CELF5: variants seen among roughly 807,000 people sequenced by gnomAD.
CELF5 encodes the protein CUGBP Elav-like family member 5, also known as CUG-BP and ETR-3 like factor 5.
CELF5 carries 6 observed loss-of-function variants against 54.9 expected under a neutral mutation model. The observed-to-expected ratio is 0.11, with a 90% CI of 0.06 to 0.22. The LOEUF is 0.22. CELF5 is among the 10% of genes least tolerant of loss of function. The pLI, the probability that CELF5 is intolerant of heterozygous loss-of-function variation, is 1.00. For missense variants in CELF5, 401 were observed against 678.6 expected (o/e 0.59, Z 4.54); for synonymous variants, 271 against 290.9 (o/e 0.93, Z 0.70).
In CELF5 at chr19:3,224,668, G is replaced by A; in HGVS notation, c.-72G>A. On this transcript the variant is annotated 5_prime_UTR_variant, in exon 1 of 13. Transcript: ENST00000292672. ...GGGGCCCGGGAGGGAGGCGGGAGGC[G>A]CGGCCGCCGCTCCAGCTGCGAGTCC... The A allele has an allele frequency of 1.0e-6, 1 of 983,040 alleles. No individual in the cohort carries two copies. Among genetic ancestry groups the A allele is most frequent in the African/African-American group, 1.8e-5 (1 of 56,748 alleles). 60.9% of individuals were successfully genotyped at this position (983,040 alleles called of 1,614,324 possible). A position where few individuals can be genotyped will look rare whatever the true frequency, so the allele number is the denominator to read the frequency against.
At position 3,276,003 on chromosome 19, in the gene CELF5, G is replaced by T; in HGVS notation, c.523+19G>T. 2 of 1,594,856 alleles carry T rather than the reference G, an allele frequency of 1.3e-6. No individual in the cohort carries two copies. Among genetic ancestry groups the T allele is most frequent in the Non-Finnish European group, 8.5e-7 (1 of 1,171,956 alleles). On this transcript the variant is annotated intron_variant, in intron 4 of 12. Transcript: ENST00000292672. ...AGCAAAGGTGACTGGCGGGGGCCGG[G>T]GCGGGACTGCGAGAGGGGCCGGGCT...
intron 1 of CELF5, among the ~76,000 whole-genome samples, chr19:3,235,723 TGG>T (rs1211458142): frequency 2.9e-5 from 4 of 139,202 alleles, no homozygotes; most frequent in African/African-American, 1.1e-4. Flanking sequence ...GATGTGTGGA[TGG>T]GTGGATGGAT....
At chr19:3,237,140 A>G (rs8104089) in intron 1 of CELF5, among the ~76,000 whole-genome samples, 23,256 of 150,752 alleles carry the variant, frequency 0.15, 2,054 homozygotes, top group East Asian at 0.24. Flanking sequence ...GTGAAACCCC[A>G]TCTCTACTAA....
Position 3,285,014 on chromosome 19 carries a change from T to TAGGGCCCCGCCCCCGCCC in CELF5, c.1102+64_1102+65insGCCCAGGGCCCCGCCCCC, listed in dbSNP as rs776188810. The TAGGGCCCCGCCCCCGCCC allele has an allele frequency of 1.1e-4, 161 of 1,438,254 alleles. No homozygotes were observed. The African/African-American group carries it at 2.1e-3, about 19-fold the overall frequency. 89.1% of individuals were successfully genotyped at this position (1,438,254 alleles called of 1,614,324 possible). ...GCTGGGCCCTGGCCCCGCCCCCGCC[T>TAGGGCCCCGCCCCCGCCC]AGGGCCCCGCCCCCAGGGCCCGCCC... On this transcript the variant is annotated intron_variant, in intron 9 of 12. Coordinates refer to ENST00000292672, the MANE Select transcript of CELF5 (RefSeq NM_021938.4).
chr19:3,270,215 G>C (rs1251043707), intron 2 of CELF5, among the ~76,000 whole-genome samples: 1 of 152,154 alleles, frequency 6.6e-6, no homozygotes, highest in Non-Finnish European at 1.5e-5. Flanking sequence ...CCTTCCTGGA[G>C]TTCCAAAATT....
intron 2 of CELF5, among the ~76,000 whole-genome samples, chr19:3,267,106 T>G (rs531946726): frequency 6.6e-6 from 1 of 151,318 alleles, no homozygotes; most frequent in African/African-American, 2.5e-5. Flanking sequence ...TGTGTGTGTG[T>G]GCGTGTGCGT....
At chr19:3,261,418 A>AG (rs1321854002) in intron 2 of CELF5, among the ~76,000 whole-genome samples, 2 of 151,406 alleles carry the variant, frequency 1.3e-5, no homozygotes, top group African/African-American at 4.9e-5. Context: ...ACTCCATCTC[A>AG]GAAAAAAAAA....
intron 1 of CELF5, among the ~76,000 whole-genome samples, chr19:3,245,914 T>C (rs577920666): frequency 1.3e-5 from 2 of 152,258 alleles, no homozygotes; most frequent in South Asian, 2.1e-4. Flanking sequence ...ATTTAAAAGG[T>C]TGGCAAAAAC....
chr19:3,276,357 A>T (rs1599461356), intron 4 of CELF5, among the ~76,000 whole-genome samples: 1 of 133,830 alleles, frequency 7.5e-6, no homozygotes, highest in African/African-American at 2.9e-5. Flanking sequence ...GTAGCCCTGG[A>T]GAGGCCCGAG....
chr19:3,245,418 T>C (rs998544786), intron 1 of CELF5, among the ~76,000 whole-genome samples: 2 of 150,304 alleles, frequency 1.3e-5, no homozygotes, highest in Admixed American at 1.3e-4. Context: ...GTGTGGTGTG[T>C]GGTGTGTGTG....
intron 2 of CELF5, among the ~76,000 whole-genome samples, chr19:3,256,030 A>G (rs1370892883): frequency 6.7e-6 from 1 of 149,908 alleles, no homozygotes; most frequent in African/African-American, 2.5e-5. Context: ...ACGCCTCTGT[A>G]CTGCAGCCTG....
intron 2 of CELF5, among the ~76,000 whole-genome samples, chr19:3,266,689 C>T (rs893502878): frequency 4.6e-5 from 7 of 152,248 alleles, no homozygotes; most frequent in Admixed American, 2.0e-4. Context: ...GGCTAACACC[C>T]ACCTGCTTGG....
At chr19:3,225,480 C>CCCAAAATA in intron 1 of CELF5, 1 of 670,802 alleles carries the variant, frequency 1.5e-6, no homozygotes, top group Non-Finnish European at 1.8e-6. Context: ...CCCCCACCCC[C>CCCAAAATA]ATTCATTCAG....
rs182948652 is a variant in CELF5, at chr19:3,275,400, G to A, written c.395-456G>A. ...CTGCTGGGCACCGTGAAAGTGCGGG[G>A]ACCATCAGTGCCCACCTCCGCCTGG... On this transcript the variant is annotated intron_variant, in intron 3 of 12. Coordinates refer to ENST00000292672, the MANE Select transcript of CELF5 (RefSeq NM_021938.4). The surrounding 1 kb of genome is among the most constrained non-coding windows in gnomAD (Gnocchi z 6.7). Among the ~76,000 whole-genome samples the A allele has an allele frequency of 4.6e-5, 7 of 152,352 alleles. No homozygotes were observed. In the East Asian group the frequency reaches 1.2e-3, roughly 25 times the overall value.
At chr19:3,242,362 C>T (rs2079502901) in intron 1 of CELF5, among the ~76,000 whole-genome samples, 1 of 151,524 alleles carries the variant, frequency 6.6e-6, no homozygotes, top group African/African-American at 2.4e-5. Flanking sequence ...GGTGAGACCC[C>T]GTCTCTACTA....
rs1160815433 is a variant in CELF5, at chr19:3,237,329, A to G, written c.259+12331A>G. Among the ~76,000 whole-genome samples, 32 of 151,464 alleles carry G rather than the reference A, an allele frequency of 2.1e-4. No individual in the cohort carries two copies. In the East Asian group the frequency reaches 5.4e-3, roughly 26 times the overall value. ...TCCGTCTCAAAAAAAAAAAAAAAAA[A>G]AAAAAAAGGAAAGTAATAAAGAATA... On this transcript the variant is annotated intron_variant, in intron 1 of 12. Transcript: ENST00000292672.
intron 1 of CELF5, among the ~76,000 whole-genome samples, chr19:3,233,939 A>C (rs1254459751): frequency 6.6e-6 from 1 of 152,178 alleles, no homozygotes; most frequent in Admixed American, 6.5e-5. Context: ...GGCTCTTCTG[A>C]GGAGCTCCTG....
At chr19:3,232,306 T>C (rs1238873594) in intron 1 of CELF5, among the ~76,000 whole-genome samples, 1 of 152,106 alleles carries the variant, frequency 6.6e-6, no homozygotes, top group Non-Finnish European at 1.5e-5. Flanking sequence ...TGTAATCCCA[T>C]TGCTTTGGGA....
chr19:3,258,413 C>T lies in CELF5; in HGVS notation c.342+7346C>T, dbSNP rs529003971. Among the ~76,000 whole-genome samples, 6 of 150,966 alleles carry T rather than the reference C, an allele frequency of 4.0e-5. No homozygotes were observed. In the East Asian group the frequency reaches 1.0e-3, roughly 25 times the overall value. On this transcript the variant is annotated intron_variant, in intron 2 of 12. Coordinates refer to ENST00000292672, the MANE Select transcript of CELF5 (RefSeq NM_021938.4). The stretch of plus-strand genomic sequence containing the variant: ...CTGGGATTACAGGCATGAGCCACTG[C>T]GCCCGGCCTGTGTCTGTGTCCCTTT...
Sources: gnomAD v4.1 joint callset for allele counts (sites outside exome capture counted in the v4.1 genomes callset) on GRCh38, gnomAD v4.1.1 for gene constraint, Gnocchi (gnomAD v3.1) non-coding constraint, MANE v1.5 for transcripts, NCBI Gene and HGNC (gene_info 2026-07-23, HGNC 2026-07-21) for gene names.